GLRA3: variants seen among roughly 807,000 people sequenced by gnomAD.
The protein encoded by GLRA3 is glycine receptor subunit alpha-3.
Under a neutral mutation model 60.4 loss-of-function variants are expected in GLRA3, and 44 were observed. That is an observed-to-expected ratio of 0.73 (90% CI 0.57 to 0.94). The LOEUF (loss-of-function observed/expected upper bound fraction) is 0.94. Ranked by LOEUF, GLRA3 falls within the 40% of genes least tolerant of loss-of-function variation. The pLI, the probability that GLRA3 is intolerant of heterozygous loss-of-function variation, is 0.00. For missense variants in GLRA3, 508 were observed against 564.6 expected (o/e 0.90, Z 1.02); for synonymous variants, 223 against 192.9 (o/e 1.16, Z -1.29).
intron 1 of GLRA3, among the ~76,000 whole-genome samples, chr4:174,800,876 A>G (rs1297071421): frequency 6.6e-6 from 1 of 151,882 alleles, no homozygotes. Context: ...TTGTTAAAAA[A>G]CTGACAATGG....
At position 174,784,148 on chromosome 4, in the gene GLRA3, G is replaced by A. The variant is rs555715468; in HGVS notation, c.199+4668C>T. Among the ~76,000 whole-genome samples the A allele has an allele frequency of 4.2e-4, 57 of 134,118 alleles. 1 individual carries two copies. The South Asian group carries it at 0.015, about 34-fold the overall frequency. 88.0% of individuals were successfully genotyped at this position (134,118 alleles called of 152,430 possible). On this transcript the variant is annotated intron_variant, in intron 2 of 9. Coordinates refer to ENST00000274093, the MANE Select transcript of GLRA3 (RefSeq NM_006529.4). ...GGAATACTATGCAGCCATAAAAAAT[G>A]ATGAGTTCATGTCCTTTGTAGGGAC...
intron 2 of GLRA3, among the ~76,000 whole-genome samples, chr4:174,771,508 A>G (rs1193687517): frequency 6.6e-6 from 1 of 151,982 alleles, no homozygotes; most frequent in East Asian, 1.9e-4. Flanking sequence ...GCTTGAGATA[A>G]ATTCTGTCAT....
chr4:174,639,396 G>A lies in GLRA3; in HGVS notation c.*4390C>T, dbSNP rs1732574296. The A allele has an allele frequency of 7.1e-6, 1 of 140,824 alleles. No homozygotes were observed. Among genetic ancestry groups the A allele is most frequent in the African/African-American group, 2.7e-5 (1 of 36,492 alleles). The allele number at this position is 140,824 out of a possible 1,614,324, so 8.7% of individuals were successfully genotyped here. On this transcript the variant is annotated 3_prime_UTR_variant, in exon 10 of 10. Transcript: ENST00000274093. ...TATGTGTGTGTGTGTGTGTGTGTGT[G>A]TGTGTGTGTGTGTGAAAGAGAGAGA...
intron 7 of GLRA3, among the ~76,000 whole-genome samples, chr4:174,660,660 A>AT (rs1402429058): frequency 6.6e-6 from 1 of 152,170 alleles, no homozygotes; most frequent in Non-Finnish European, 1.5e-5. Flanking sequence ...TTCGTTGATG[A>AT]TTTTTGCCTG....
intron 5 of GLRA3, among the ~76,000 whole-genome samples, chr4:174,689,190 A>G (rs1018093738): frequency 6.6e-6 from 1 of 152,246 alleles, no homozygotes; most frequent in Non-Finnish European, 1.5e-5. Context: ...TAAAACAATA[A>G]GAAGCATTTG....
intron 3 of GLRA3, among the ~76,000 whole-genome samples, chr4:174,754,329 C>T (rs2029570): frequency 0.38 from 57,113 of 151,864 alleles, 11,005 homozygotes; most frequent in East Asian, 0.46. Context: ...ATCATTCTGC[C>T]AATCACTGGT....
chr4:174,732,903 T>G (rs1050245839), intron 3 of GLRA3, among the ~76,000 whole-genome samples: 7 of 152,192 alleles, frequency 4.6e-5, no homozygotes, highest in African/African-American at 1.7e-4. Context: ...AGTGATTAGC[T>G]AGGGAAATGC....
At chr4:174,726,152 C>G (rs569585952) in intron 4 of GLRA3, among the ~76,000 whole-genome samples, 1 of 152,136 alleles carries the variant, frequency 6.6e-6, no homozygotes, top group Non-Finnish European at 1.5e-5. Flanking sequence ...TATTGACTGT[C>G]CACTAAGTCT....
chr4:174,647,553 T>G (rs1732874088), intron 9 of GLRA3, among the ~76,000 whole-genome samples: 1 of 152,100 alleles, frequency 6.6e-6, no homozygotes, highest in African/African-American at 2.4e-5. Context: ...ATTTTAATCT[T>G]CCCTTCTGCA....
intron 1 of GLRA3, among the ~76,000 whole-genome samples, chr4:174,801,292 A>G (rs1248423848): frequency 6.6e-6 from 1 of 152,014 alleles, no homozygotes; most frequent in Non-Finnish European, 1.5e-5. Flanking sequence ...TTTTTCTCTA[A>G]TGACACGTCC....
chr4:174,638,948 C>T lies in GLRA3; in HGVS notation c.*4838G>A, dbSNP rs1732563535. 1 of 152,136 alleles carries T rather than the reference C, an allele frequency of 6.6e-6. No individual in the cohort carries two copies. The highest frequency in any genetic ancestry group is 2.4e-5 in the African/African-American group (1 of 41,426). The allele number at this position is 152,136 out of a possible 1,614,324, so 9.4% of individuals were successfully genotyped here. A position where few individuals can be genotyped will look rare whatever the true frequency, so the allele number is the denominator to read the frequency against. ...AACACATAGCCAGGGTTCAAAATCACTTTTTAAAAATAATACTCCATCACC... is the reference window on the plus strand; with the variant it reads ...AACACATAGCCAGGGTTCAAAATCATTTTTTAAAAATAATACTCCATCACC... On this transcript the variant is annotated 3_prime_UTR_variant, in exon 10 of 10. Transcript: ENST00000274093.
intron 1 of GLRA3, among the ~76,000 whole-genome samples, chr4:174,812,833 C>T (rs1424434436): frequency 6.6e-6 from 1 of 152,100 alleles, no homozygotes; most frequent in Non-Finnish European, 1.5e-5. Flanking sequence ...CTCACCCTTC[C>T]TCCGTCTTTT....
At chr4:174,656,159 C>T (rs1194724962) in intron 9 of GLRA3, among the ~76,000 whole-genome samples, 1 of 152,056 alleles carries the variant, frequency 6.6e-6, no homozygotes, top group Non-Finnish European at 1.5e-5. Flanking sequence ...AATATTTAGT[C>T]ATTATACTTG....
At chr4:174,815,201 T>C (rs1740437749) in intron 1 of GLRA3, among the ~76,000 whole-genome samples, 1 of 152,210 alleles carries the variant, frequency 6.6e-6, no homozygotes, top group African/African-American at 2.4e-5. Flanking sequence ...ACTCCATGTC[T>C]CACATCCATG....
intron 1 of GLRA3, among the ~76,000 whole-genome samples, chr4:174,826,362 A>G (rs148903439): frequency 1.1e-3 from 166 of 152,322 alleles, no homozygotes; most frequent in Middle Eastern, 6.8e-3. Flanking sequence ...AATGGAAAAG[A>G]TATACTTATT....
intron 4 of GLRA3, among the ~76,000 whole-genome samples, chr4:174,728,244 C>T (rs1376165005): frequency 6.6e-6 from 1 of 152,142 alleles, no homozygotes; most frequent in Non-Finnish European, 1.5e-5. Flanking sequence ...TCACCAGGGA[C>T]ATTTGTTTAA....
chr4:174,698,864 A>G (rs1347615181), intron 5 of GLRA3, among the ~76,000 whole-genome samples: 2 of 152,210 alleles, frequency 1.3e-5, no homozygotes, highest in Non-Finnish European at 1.5e-5. Context: ...CGCATTTAAT[A>G]CACAGTATAA....
At chr4:174,689,100 TA>T (rs764218865) in intron 5 of GLRA3, among the ~76,000 whole-genome samples, 9 of 152,216 alleles carry the variant, frequency 5.9e-5, no homozygotes, top group Non-Finnish European at 1.2e-4. Context: ...AGATGAACTC[TA>T]AGGCTTTCCA....
intron 5 of GLRA3, among the ~76,000 whole-genome samples, chr4:174,695,841 C>T (rs1735030108): frequency 6.6e-6 from 1 of 152,048 alleles, no homozygotes; most frequent in African/African-American, 2.4e-5. Context: ...TAGAAAACCC[C>T]ATAGTCTTGG....
Sources: allele counts gnomAD v4.1 joint callset (sites outside exome capture counted in the v4.1 genomes callset), GRCh38; gene constraint gnomAD v4.1.1; transcripts MANE v1.5; gene names NCBI Gene and HGNC (gene_info 2026-07-23, HGNC 2026-07-21).